Variants in CHCHD6 observed in about 807,000 individuals in gnomAD.
CHCHD6 encodes the protein MICOS complex subunit MIC25.
In CHCHD6, 28 loss-of-function variants were observed where a neutral mutation model predicts 32.3. The observed-to-expected ratio is 0.87, with a 90% CI of 0.64 to 1.19. The LOEUF is 1.19. Among genes scored for constraint, CHCHD6 ranks in the 50% most tolerant of loss-of-function variants. The pLI is 0.00. For synonymous variants in CHCHD6, 122 were observed against 117.5 expected, an observed-to-expected ratio of 1.04 and a Z score of -0.25; for missense variants, 333 against 307.0, an observed-to-expected ratio of 1.08 and a Z score of -0.63.
At chr3:126,861,607 ACCT>A (rs200290731) in intron 5 of CHCHD6, among the ~76,000 whole-genome samples, 1 of 145,262 alleles carries the variant, frequency 6.9e-6, no homozygotes, top group East Asian at 2.0e-4. Context: ...CACCATTACC[ACCT>A]CCTCCTCCAC....
At chr3:126,721,622 G>A (rs558888700) in intron 1 of CHCHD6, among the ~76,000 whole-genome samples, 1 of 152,148 alleles carries the variant, frequency 6.6e-6, no homozygotes, top group South Asian at 2.1e-4. Flanking sequence ...ATCCATTTAA[G>A]GCATGTGATT....
chr3:126,760,974 C>A (rs948000232), intron 4 of CHCHD6, among the ~76,000 whole-genome samples: 1 of 152,184 alleles, frequency 6.6e-6, no homozygotes, highest in African/African-American at 2.4e-5. Flanking sequence ...GCTGGGACTA[C>A]AGCTGTGCAC....
chr3:126,765,395 G>A (rs1207130835), intron 4 of CHCHD6, among the ~76,000 whole-genome samples: 2 of 152,162 alleles, frequency 1.3e-5, no homozygotes, highest in Admixed American at 1.3e-4. Flanking sequence ...GGCACTTGAC[G>A]GGGACACTGG....
intron 4 of CHCHD6, among the ~76,000 whole-genome samples, chr3:126,805,763 A>G (rs1449386938): frequency 4.6e-5 from 7 of 152,228 alleles, no homozygotes; most frequent in Non-Finnish European, 8.8e-5. Flanking sequence ...AAGCCAAAAG[A>G]ACAAAGTTGG....
At chr3:126,845,661 G>T (rs1941270632) in intron 4 of CHCHD6, among the ~76,000 whole-genome samples, 1 of 151,988 alleles carries the variant, frequency 6.6e-6, no homozygotes, top group Non-Finnish European at 1.5e-5. Flanking sequence ...TTGTCTGTTT[G>T]TGTTTTAATT....
At chr3:126,944,646 G>A (rs993551509) in intron 6 of CHCHD6, among the ~76,000 whole-genome samples, 1 of 152,238 alleles carries the variant, frequency 6.6e-6, no homozygotes, top group Non-Finnish European at 1.5e-5. Flanking sequence ...GGACAGAGAG[G>A]CGGGGCTGGC....
chr3:126,864,571 C>T (rs1476155934), intron 5 of CHCHD6, among the ~76,000 whole-genome samples: 2 of 150,266 alleles, frequency 1.3e-5, no homozygotes, highest in East Asian at 4.0e-4. Flanking sequence ...CCTTCTCCAC[C>T]ACCTCCTTCT....
intron 5 of CHCHD6, among the ~76,000 whole-genome samples, chr3:126,859,536 C>A (rs902885761): frequency 6.6e-6 from 1 of 152,326 alleles, no homozygotes; most frequent in East Asian, 1.9e-4. Flanking sequence ...GTTCTGTGTC[C>A]TACAGAATGA....
chr3:126,955,095 C>T (rs114471405), intron 6 of CHCHD6, among the ~76,000 whole-genome samples: 3,423 of 152,300 alleles, frequency 0.022, 136 homozygotes, highest in African/African-American at 0.077. Context: ...CTGCCTGAGA[C>T]GAAATGCCAT....
chr3:126,852,365 G>T (rs993171273), intron 4 of CHCHD6, among the ~76,000 whole-genome samples: 3 of 152,080 alleles, frequency 2.0e-5, no homozygotes, highest in Non-Finnish European at 4.4e-5. Context: ...AGTGTGGTAA[G>T]GATCAAAGGA....
chr3:126,956,350 A>C (rs1306659357), intron 6 of CHCHD6, among the ~76,000 whole-genome samples: 3 of 152,232 alleles, frequency 2.0e-5, no homozygotes, highest in Admixed American at 2.0e-4. Flanking sequence ...AAACCCACTT[A>C]AGAAAACAAA....
At chr3:126,851,731 A>G (rs1941479967) in intron 4 of CHCHD6, among the ~76,000 whole-genome samples, 1 of 152,200 alleles carries the variant, frequency 6.6e-6, no homozygotes, top group Admixed American at 6.5e-5. Flanking sequence ...CGGGACTTAC[A>G]TCCCTGCCTT....
intron 5 of CHCHD6, among the ~76,000 whole-genome samples, chr3:126,858,039 G>A (rs1941721118): frequency 6.6e-6 from 1 of 152,176 alleles, no homozygotes; most frequent in Non-Finnish European, 1.5e-5. Context: ...CCCTGAAAAT[G>A]AGGAGAGAGG....
At chr3:126,955,527 C>A (rs752555085) in intron 6 of CHCHD6, among the ~76,000 whole-genome samples, 1 of 152,208 alleles carries the variant, frequency 6.6e-6, no homozygotes, top group Non-Finnish European at 1.5e-5. Flanking sequence ...ACCATGGCCT[C>A]CCCTGGCAGG....
intron 4 of CHCHD6, among the ~76,000 whole-genome samples, chr3:126,825,769 C>T (rs71327773): frequency 2.2e-4 from 33 of 152,254 alleles, no homozygotes; most frequent in East Asian, 2.1e-3. Context: ...CACCTTCTCA[C>T]GCTCTTTATA....
intron 4 of CHCHD6, among the ~76,000 whole-genome samples, chr3:126,818,516 A>G (rs1027402625): frequency 1.8e-4 from 27 of 152,332 alleles, no homozygotes; most frequent in African/African-American, 6.5e-4. Flanking sequence ...GAAATCAGCG[A>G]AGGCATATGG....
At chr3:126,935,861 A>G (rs570906467) in intron 6 of CHCHD6, among the ~76,000 whole-genome samples, 2 of 152,380 alleles carry the variant, frequency 1.3e-5, no homozygotes, top group South Asian at 2.1e-4. Flanking sequence ...TTTAGGAGAT[A>G]AAATACCAGC....
intron 4 of CHCHD6, among the ~76,000 whole-genome samples, chr3:126,850,376 G>A (rs1941431335): frequency 1.3e-5 from 2 of 152,212 alleles, no homozygotes; most frequent in Non-Finnish European, 1.5e-5. Flanking sequence ...TGTCCTCAAC[G>A]TTTCTTCCTG....
At chr3:126,911,651 G>T (rs1299693725) in intron 5 of CHCHD6, among the ~76,000 whole-genome samples, 1 of 152,252 alleles carries the variant, frequency 6.6e-6, no homozygotes, top group Non-Finnish European at 1.5e-5. Context: ...TTCTTGGCCT[G>T]TGGGTACTTC....
Sources: allele counts gnomAD v4.1 joint callset (sites outside exome capture counted in the v4.1 genomes callset), GRCh38; gene constraint gnomAD v4.1.1; transcripts MANE v1.5; gene names NCBI Gene and HGNC (gene_info 2026-07-23, HGNC 2026-07-21).